ZHX2: variants seen among roughly 807,000 people sequenced by gnomAD.
The protein encoded by ZHX2 is zinc fingers and homeoboxes 2, also known as zinc fingers and homeoboxes protein 2.
In ZHX2, 6 loss-of-function variants were observed where a neutral mutation model predicts 21.9. The observed-to-expected ratio is 0.27, with a 90% CI of 0.15 to 0.54. ZHX2 has a LOEUF of 0.54. Among genes scored for constraint, ZHX2 ranks in the 20% least tolerant of loss-of-function variants. The probability of loss-of-function intolerance (pLI) is 0.95; values close to 1 mark genes in which losing one functional copy is unlikely to be tolerated. For missense variants in ZHX2, 908 were observed against 1,090.7 expected, an observed-to-expected ratio of 0.83 and a Z score of 2.36; for synonymous variants, 434 against 437.1, an observed-to-expected ratio of 0.99 and a Z score of 0.09.
intron 2 of ZHX2, among the ~76,000 whole-genome samples, chr8:122,872,130 A>G (rs1227186938): frequency 1.3e-5 from 2 of 152,178 alleles, no homozygotes; most frequent in South Asian, 4.1e-4. Context: ...GCAGGCGAAG[A>G]AAAAAGATGC....
intron 1 of ZHX2, among the ~76,000 whole-genome samples, chr8:122,803,530 C>T (rs916671305): frequency 6.6e-6 from 1 of 152,242 alleles, no homozygotes; most frequent in African/African-American, 2.4e-5. Flanking sequence ...TTGGCGGCAT[C>T]CCTGGCCTCT....
intron 2 of ZHX2, among the ~76,000 whole-genome samples, chr8:122,937,561 A>G (rs1812728788): frequency 6.7e-6 from 1 of 149,716 alleles, no homozygotes; most frequent in Non-Finnish European, 1.5e-5. Flanking sequence ...TTGTTCTCCA[A>G]GTGAAATTGG....
intron 1 of ZHX2, among the ~76,000 whole-genome samples, chr8:122,788,487 A>G (rs927065552): frequency 3.9e-4 from 59 of 152,238 alleles, no homozygotes; most frequent in African/African-American, 1.4e-3. Flanking sequence ...GGATCGCTTG[A>G]GCCCGGGAGG....
intron 1 of ZHX2, among the ~76,000 whole-genome samples, chr8:122,858,376 C>T (rs1819080535): frequency 6.6e-6 from 1 of 152,248 alleles, no homozygotes; most frequent in Non-Finnish European, 1.5e-5. Flanking sequence ...TTCTCTTCTA[C>T]AGGCCTTTAA....
chr8:122,806,538 G>A (rs2130591149), intron 1 of ZHX2, among the ~76,000 whole-genome samples: 1 of 152,344 alleles, frequency 6.6e-6, no homozygotes, highest in South Asian at 2.1e-4. Context: ...ACACAGAGTA[G>A]CAAGGACTGA....
At chr8:122,887,050 CGTGTGTGTGTGTGTGTGT>C (rs10549696) in intron 2 of ZHX2, among the ~76,000 whole-genome samples, 7 of 136,448 alleles carry the variant, frequency 5.1e-5, no homozygotes, top group East Asian at 4.4e-4. Context: ...GCTCTGCCAC[CGTGTGTGTGTGTGTGTGT>C]GTGTGTGTGT....
intron 2 of ZHX2, among the ~76,000 whole-genome samples, chr8:122,927,196 A>C (rs1401901671): frequency 6.6e-6 from 1 of 152,184 alleles, no homozygotes; most frequent in Non-Finnish European, 1.5e-5. Flanking sequence ...TCATGCTGCT[A>C]ATAAAGATAT....
chr8:122,870,637 T>G (rs1819407760), intron 2 of ZHX2, among the ~76,000 whole-genome samples: 1 of 34,692 alleles, frequency 2.9e-5, no homozygotes, highest in Non-Finnish European at 4.9e-5. Flanking sequence ...AGTCTCTGTC[T>G]CAAAAAAAAA....
At chr8:122,924,415 TA>T (rs1277677031) in intron 2 of ZHX2, among the ~76,000 whole-genome samples, 2 of 152,250 alleles carry the variant, frequency 1.3e-5, no homozygotes, top group East Asian at 3.8e-4. Flanking sequence ...GACCTCATGT[TA>T]ACTTGATTAC....
At chr8:122,783,822 A>G (rs1250692621) in intron 1 of ZHX2, among the ~76,000 whole-genome samples, 1 of 152,268 alleles carries the variant, frequency 6.6e-6, no homozygotes, top group Non-Finnish European at 1.5e-5. Flanking sequence ...GCTTCTTTTA[A>G]GGCCAGAAGG....
At chr8:122,853,623 C>T (rs1202240020) in intron 1 of ZHX2, among the ~76,000 whole-genome samples, 1 of 152,160 alleles carries the variant, frequency 6.6e-6, no homozygotes. Context: ...CGTGCCCTTG[C>T]TCTGGACCTC....
At chr8:122,872,238 C>G (rs1326514148) in intron 2 of ZHX2, among the ~76,000 whole-genome samples, 2 of 152,212 alleles carry the variant, frequency 1.3e-5, no homozygotes, top group Non-Finnish European at 2.9e-5. Flanking sequence ...AAGACAGAAC[C>G]CTGAGGCAGC....
At chr8:122,788,613 G>A (rs1339013621) in intron 1 of ZHX2, among the ~76,000 whole-genome samples, 1 of 152,096 alleles carries the variant, frequency 6.6e-6, no homozygotes, top group South Asian at 2.1e-4. Flanking sequence ...GCTCAGAGGG[G>A]TTAAGTACTT....
At chr8:122,963,534 A>G (rs1207215213) in intron 3 of ZHX2, among the ~76,000 whole-genome samples, 2 of 152,138 alleles carry the variant, frequency 1.3e-5, no homozygotes, top group Non-Finnish European at 2.9e-5. Context: ...GCCTTGTAAT[A>G]TAGTTTGAAG....
chr8:122,947,663 A>G (rs1813011274), intron 2 of ZHX2, among the ~76,000 whole-genome samples: 1 of 152,142 alleles, frequency 6.6e-6, no homozygotes, highest in African/African-American at 2.4e-5. Flanking sequence ...ATTGTTTTGC[A>G]GAGGGGCAGC....
chr8:122,959,015 T>C (rs1813377330), intron 3 of ZHX2, among the ~76,000 whole-genome samples: 1 of 150,876 alleles, frequency 6.6e-6, no homozygotes, highest in Non-Finnish European at 1.5e-5. Context: ...TTTTCCAACA[T>C]GTTGTCTGAT....
intron 2 of ZHX2, among the ~76,000 whole-genome samples, chr8:122,878,062 G>A (rs1182090632): frequency 2.1e-5 from 3 of 142,666 alleles, no homozygotes; most frequent in Non-Finnish European, 4.5e-5. Context: ...TGAGAATGTC[G>A]GTAAAAGTTC....
At chr8:122,849,774 T>C (rs1221751251) in intron 1 of ZHX2, among the ~76,000 whole-genome samples, 2 of 152,234 alleles carry the variant, frequency 1.3e-5, no homozygotes, top group Non-Finnish European at 2.9e-5. Context: ...GACTAGGACA[T>C]GGACATATCC....
chr8:122,960,233 G>A (rs1813409215), intron 3 of ZHX2, among the ~76,000 whole-genome samples: 1 of 152,020 alleles, frequency 6.6e-6, no homozygotes, highest in African/African-American at 2.4e-5. Context: ...AAGGTTTAGG[G>A]GACACTCCCT....
Sources: gnomAD v4.1 joint callset for allele counts (sites outside exome capture counted in the v4.1 genomes callset) on GRCh38, gnomAD v4.1.1 for gene constraint, MANE v1.5 for transcripts, NCBI Gene and HGNC (gene_info 2026-07-23, HGNC 2026-07-21) for gene names.